FAM185A: variants seen among roughly 807,000 people sequenced by gnomAD.
The protein encoded by FAM185A is family with sequence similarity 185 member A.
In FAM185A, 21 loss-of-function variants were observed where a neutral mutation model predicts 45.7. The ratio of observed to expected loss-of-function variants is 0.46; its 90% CI spans 0.33 to 0.66. The LOEUF (loss-of-function observed/expected upper bound fraction) is 0.66, where lower values mean the gene tolerates loss of function less well. Among genes scored for constraint, FAM185A ranks in the 30% least tolerant of loss-of-function variants. The pLI, the probability that FAM185A is intolerant of heterozygous loss-of-function variation, is 0.03. For missense variants in FAM185A, 305 were observed against 485.4 expected, an observed-to-expected ratio of 0.63 and a Z score of 3.49; for synonymous variants, 117 against 194.0, an observed-to-expected ratio of 0.60 and a Z score of 3.30.
At chr7:102,800,464 A>G (rs1031387102) in intron 7 of FAM185A, among the ~76,000 whole-genome samples, 1 of 152,246 alleles carries the variant, frequency 6.6e-6, no homozygotes. Flanking sequence ...GACCAGAGAA[A>G]GACGAAGCCC....
At chr7:102,777,771 C>A (rs1413859034) in intron 6 of FAM185A, among the ~76,000 whole-genome samples, 1 of 151,900 alleles carries the variant, frequency 6.6e-6, no homozygotes, top group Admixed American at 6.6e-5. Context: ...AAAGTGTGAT[C>A]CTTAAATAAA....
At chr7:102,849,663 A>C in the FAM185A span, among the ~76,000 whole-genome samples, 4 of 152,200 alleles carry the variant, frequency 2.6e-5, no homozygotes, top group African/African-American at 4.8e-5. Context: ...GGAATTGTGA[A>C]ATTAGTTTGT....
At chr7:102,793,681 A>T (rs1464724082) in intron 7 of FAM185A, among the ~76,000 whole-genome samples, 1 of 151,922 alleles carries the variant, frequency 6.6e-6, no homozygotes, top group Non-Finnish European at 1.5e-5. Context: ...AATATGTTAG[A>T]CTTAGCAGAT....
At chr7:102,834,032 T>A in the FAM185A span, among the ~76,000 whole-genome samples, 1 of 75,470 alleles carries the variant, frequency 1.3e-5, no homozygotes, top group East Asian at 4.0e-4. Flanking sequence ...GAAACCATGA[T>A]GAAGGAAGGA....
chr7:102,811,389 T>TA (rs1159874452), downstream of FAM185A, among the ~76,000 whole-genome samples: 1 of 152,230 alleles, frequency 6.6e-6, no homozygotes, highest in Non-Finnish European at 1.5e-5. Flanking sequence ...ATCGAAAACT[T>TA]AAAAGATTTC....
chr7:102,787,509 T>A, intron 7 of FAM185A, 40 bp downstream of exon 7: 1 of 1,390,564 alleles, frequency 7.2e-7, no homozygotes, highest in Non-Finnish European at 9.5e-7. Context: ...TGAATAGCCA[T>A]TCTCCATACA....
At chr7:102,834,086 A>AG in the FAM185A span, among the ~76,000 whole-genome samples, 2 of 93,678 alleles carry the variant, frequency 2.1e-5, no homozygotes, top group African/African-American at 9.2e-5. Flanking sequence ...GGAAGGAAAG[A>AG]AAAGAAAGAA....
At chr7:102,792,820 G>A (rs906967054) in intron 7 of FAM185A, among the ~76,000 whole-genome samples, 3 of 151,552 alleles carry the variant, frequency 2.0e-5, no homozygotes, top group African/African-American at 7.3e-5. Flanking sequence ...AAAGGACAGA[G>A]GGTAATAACA....
the FAM185A span, among the ~76,000 whole-genome samples, chr7:102,832,257 G>A: frequency 6.6e-6 from 1 of 152,174 alleles, no homozygotes; most frequent in East Asian, 1.9e-4. Flanking sequence ...ATGATGGTAT[G>A]TCCTTGGAGT....
the FAM185A span, among the ~76,000 whole-genome samples, chr7:102,819,912 C>T: frequency 4.6e-5 from 7 of 152,144 alleles, no homozygotes; most frequent in East Asian, 5.8e-4. Flanking sequence ...ATAGAGCACC[C>T]GGAGCTGATC....
At chr7:102,809,489 T>G (rs1797313016), downstream of FAM185A, among the ~76,000 whole-genome samples, 1 of 151,560 alleles carries the variant, frequency 6.6e-6, no homozygotes, top group African/African-American at 2.4e-5. Context: ...AGGTCAGGAG[T>G]TTGAGACCAG....
chr7:102,789,701 C>A (rs1367647177), intron 7 of FAM185A, among the ~76,000 whole-genome samples: 3 of 152,224 alleles, frequency 2.0e-5, no homozygotes, highest in Non-Finnish European at 2.9e-5. Context: ...AGCGAGACTC[C>A]CTCTCAGAAA....
chr7:102,837,568 T>G, the FAM185A span, among the ~76,000 whole-genome samples: 2 of 152,236 alleles, frequency 1.3e-5, no homozygotes, highest in Non-Finnish European at 2.9e-5. Flanking sequence ...AAGCTTTTCT[T>G]TCTTTTTGAC....
intron 4 of FAM185A, among the ~76,000 whole-genome samples, chr7:102,766,820 A>G (rs1794435191): frequency 6.6e-6 from 1 of 151,902 alleles, no homozygotes; most frequent in African/African-American, 2.4e-5. Flanking sequence ...TTTTGAGAGA[A>G]GTCTCACTCT....
chr7:102,807,764 A>G (rs939637900), intron 7 of FAM185A, among the ~76,000 whole-genome samples: 1 of 151,900 alleles, frequency 6.6e-6, no homozygotes, highest in East Asian at 1.9e-4. Context: ...AAAAAAAAAA[A>G]AAATACAGAG....
Position 102,764,944 on chromosome 7 carries a change from G to A in FAM185A, c.793+3533G>A, listed in dbSNP as rs1268803574. Among the ~76,000 whole-genome samples, 4 of 152,352 alleles carry A rather than the reference G, an allele frequency of 2.6e-5. No homozygotes were observed. In the East Asian group the frequency reaches 5.8e-4, roughly 22 times the overall value. ...GTTTGGAGCCTTTGTGCCAGTAGGT[G>A]GGTGGGTGGGTGGTTGAAAGCAAAC... is the stretch of plus-strand genomic sequence containing the variant. On this transcript the variant is annotated intron_variant, in intron 4 of 7. Coordinates refer to ENST00000413034, the MANE Select transcript of FAM185A (RefSeq NM_001145268.2).
rs1793205028 is a variant in FAM185A, at chr7:102,749,478, G to A, written c.271G>A (p.Asp91Asn). The change falls in exon 1 of 8, where the codon GAC (aspartate) becomes AAC (asparagine). Residue 91 changes from aspartate to asparagine, a missense_variant. By Grantham distance (23) the Asp-to-Asn change is conservative. Coordinates refer to ENST00000413034, the MANE Select transcript of FAM185A (RefSeq NM_001145268.2). The part of the protein sequence containing the change: ...LPCHLAVRPL[D>N]PLTYPDGDRV... Reference sequence around the variant, plus strand: ...GTGCCACCTGGCCGTGAGGCCCCTGGACCCCCTCACCTACCCGGATGGCGA... The same window carrying A: ...GTGCCACCTGGCCGTGAGGCCCCTGAACCCCCTCACCTACCCGGATGGCGA... 2 of 1,545,364 alleles carry A rather than the reference G, an allele frequency of 1.3e-6. No homozygotes were observed. The highest frequency in any genetic ancestry group is 1.4e-5 in the African/African-American group (1 of 73,014).
intron 1 of FAM185A, among the ~76,000 whole-genome samples, chr7:102,751,314 T>G (rs1321259929): frequency 6.6e-6 from 1 of 152,210 alleles, no homozygotes; most frequent in East Asian, 1.9e-4. Flanking sequence ...CATGGTAATA[T>G]TTTCATTTTT....
chr7:102,777,203 C>A, intron 5 of FAM185A, 50 bp from the exon 6 acceptor site: 1 of 1,545,816 alleles, frequency 6.5e-7, no homozygotes, highest in South Asian at 1.2e-5. Flanking sequence ...GTTTGTAATT[C>A]CATTTATCAA....
Sources: allele counts gnomAD v4.1 joint callset (sites outside exome capture counted in the v4.1 genomes callset), GRCh38; gene constraint gnomAD v4.1.1; transcripts MANE v1.5; gene names NCBI Gene and HGNC (gene_info 2026-07-23, HGNC 2026-07-21).